The following MYLK variants were observed in gnomAD, a reference collection of about 807,000 sequenced individuals.
MYLK encodes the protein myosin light chain kinase.
A neutral mutation model predicts 203.4 loss-of-function variants in MYLK; 106 were observed. The ratio of observed to expected loss-of-function variants is 0.52; its 90% CI spans 0.45 to 0.61. The LOEUF (loss-of-function observed/expected upper bound fraction) is 0.61. Ranked by LOEUF, MYLK falls within the 20% of genes least tolerant of loss-of-function variation. The pLI, the probability that MYLK is intolerant of heterozygous loss-of-function variation, is 0.00. For synonymous variants in MYLK, 867 were observed against 959.5 expected, an observed-to-expected ratio of 0.90 and a Z score of 1.78; for missense variants, 2,072 against 2,442.3, an observed-to-expected ratio of 0.85 and a Z score of 3.20.
intron 5 of MYLK, 92 bp downstream of exon 5, chr3:123,752,239 C>T: frequency 3.0e-6 from 4 of 1,337,028 alleles, no homozygotes; most frequent in Non-Finnish European, 4.3e-6. Context: ...TCAGTTCCTC[C>T]ATCCTTCAAG....
At chr3:123,707,624 G>C (rs538655297) in intron 16 of MYLK, 130 bp downstream of exon 16, 1 of 1,396,486 alleles carries the variant, frequency 7.2e-7, no homozygotes, top group Non-Finnish European at 1.0e-6. Context: ...CACTGAGCCC[G>C]CACTTGCTTT....
intron 26 of MYLK, 30 bp from the exon 27 acceptor site, chr3:123,647,457 C>G: frequency 6.2e-7 from 1 of 1,605,564 alleles, no homozygotes; most frequent in Non-Finnish European, 8.5e-7. Flanking sequence ...GAGAGAAAAG[C>G]CACATTTAGC....
In MYLK at chr3:123,733,033, C is replaced by T; in HGVS notation, c.1379G>A (p.Ser460Asn). 2 of 1,614,174 alleles carry T rather than the reference C, an allele frequency of 1.2e-6. No homozygotes were observed. The highest frequency in any genetic ancestry group is 2.2e-5 in the South Asian group (2 of 91,072). ...GCCAGCATCTTCATAAACCTCAATG[C>T]TGCCTTCCTGTCTCCTCACGGGGGT... ...EGTPVRRQEG[S>N]IEVYEDAGSH... The change falls in exon 11 of 34, where the codon AGC becomes AAC. Residue 460 changes from serine (S) to asparagine (N), a missense_variant. Coordinates refer to ENST00000360304, the MANE Select transcript of MYLK (RefSeq NM_053025.4).
chr3:123,874,892 T>C (rs2033046332), intron 2 of MYLK, among the ~76,000 whole-genome samples: 1 of 152,180 alleles, frequency 6.6e-6, no homozygotes, highest in African/African-American at 2.4e-5. Context: ...ATGTTCAACA[T>C]CAGTAGTCAC....
chr3:123,681,672 T>G, intron 20 of MYLK: 1 of 170,314 alleles, frequency 5.9e-6, no homozygotes, highest in African/African-American at 2.4e-5. Context: ...AAAATAGAAG[T>G]AAAGGAGCTG....
chr3:123,802,095 T>C (rs1256409684), intron 3 of MYLK, among the ~76,000 whole-genome samples: 4 of 152,188 alleles, frequency 2.6e-5, no homozygotes, highest in African/African-American at 4.8e-5. Flanking sequence ...CCAACATTTG[T>C]TATTTTGGAC....
intron 19 of MYLK, among the ~76,000 whole-genome samples, chr3:123,690,223 C>T (rs2060609016): frequency 6.6e-6 from 1 of 152,136 alleles, no homozygotes; most frequent in African/African-American, 2.4e-5. Context: ...GCAGTTGCAG[C>T]TGGAGACAGG....
intron 3 of MYLK, among the ~76,000 whole-genome samples, chr3:123,819,179 A>C (rs542293197): frequency 6.6e-6 from 1 of 152,332 alleles, no homozygotes; most frequent in Admixed American, 6.5e-5. Flanking sequence ...ACATCTTGCA[A>C]GCAGAGGCAC....
intron 4 of MYLK, among the ~76,000 whole-genome samples, chr3:123,769,677 A>G (rs908760669): frequency 3.9e-5 from 6 of 152,212 alleles, no homozygotes; most frequent in South Asian, 2.1e-4. Context: ...CTTATAATTC[A>G]TCTGTGTGCA....
chr3:123,827,991 T>C (rs867445103), intron 3 of MYLK, among the ~76,000 whole-genome samples: 31 of 151,588 alleles, frequency 2.0e-4, no homozygotes, highest in African/African-American at 6.3e-4. Flanking sequence ...TTGAAGAGGA[T>C]ACAAACAAGT....
At chr3:123,790,709 ACTT>A (rs2064745966) in intron 4 of MYLK, among the ~76,000 whole-genome samples, 1 of 152,234 alleles carries the variant, frequency 6.6e-6, no homozygotes, top group African/African-American at 2.4e-5. Flanking sequence ...CATTTGAAGA[ACTT>A]CTGATTGGCA....
intron 27 of MYLK, among the ~76,000 whole-genome samples, chr3:123,644,035 G>A (rs555969996): frequency 6.6e-6 from 1 of 152,218 alleles, no homozygotes; most frequent in East Asian, 1.9e-4. Flanking sequence ...CTACTATATG[G>A]TGGGGGCTCA....
At chr3:123,701,383 G>A (rs2061215208) in intron 17 of MYLK, 55 bp downstream of exon 17, 5 of 1,571,502 alleles carry the variant, frequency 3.2e-6, no homozygotes, top group Admixed American at 1.7e-5. Flanking sequence ...CCGGGGCCAG[G>A]AGGAAGGTGG....
At chr3:123,678,910 TATATTGTTTAAAATGGTTAA>T (rs1230439676) in intron 20 of MYLK, among the ~76,000 whole-genome samples, 1 of 152,236 alleles carries the variant, frequency 6.6e-6, no homozygotes, top group East Asian at 1.9e-4. Flanking sequence ...AGTATATTTC[TATATTGTTTAAAATGGTTAA>T]ATAAGAATGT....
rs1553783586 is a variant in MYLK, at chr3:123,653,986, T to TTGGGTG, written c.4288+3139_4288+3140insCACCCA. Among the ~76,000 whole-genome samples, 103 of 137,756 alleles carry TTGGGTG rather than the reference T, an allele frequency of 7.5e-4. No individual in the cohort carries two copies. In the Middle Eastern group the frequency reaches 0.011, roughly 15 times the overall value. 90.4% of individuals were successfully genotyped at this position (137,756 alleles called of 152,430 possible). A position where few individuals can be genotyped will look rare whatever the true frequency, so the allele number is the denominator to read the frequency against. ...CCACTCTGCTCATTTCAGAGGGATG[T>TTGGGTG]TGTGTGTGTGTGTGTGTGTGTGTGT... is the stretch of plus-strand genomic sequence containing the variant. On this transcript the variant is annotated intron_variant, in intron 24 of 33. Transcript: ENST00000360304.
At chr3:123,843,814 T>C (rs900229045) in intron 2 of MYLK, among the ~76,000 whole-genome samples, 11 of 152,200 alleles carry the variant, frequency 7.2e-5, no homozygotes, top group African/African-American at 2.4e-4. Flanking sequence ...GGAATCCTTC[T>C]GACATGGTGT....
At chr3:123,725,143 C>T (rs764743114) in intron 12 of MYLK, among the ~76,000 whole-genome samples, 1 of 152,140 alleles carries the variant, frequency 6.6e-6, no homozygotes, top group Non-Finnish European at 1.5e-5. Context: ...GAAGCTGGTA[C>T]CCCGAGGGGT....
chr3:123,666,892 T>C, intron 21 of MYLK: 1 of 609,428 alleles, frequency 1.6e-6, no homozygotes, highest in South Asian at 2.0e-5. Flanking sequence ...TCCTGTATGA[T>C]GCTGTCAACA....
chr3:123,773,840 C>T (rs1366975038), intron 4 of MYLK, among the ~76,000 whole-genome samples: 1 of 152,252 alleles, frequency 6.6e-6, no homozygotes, highest in East Asian at 1.9e-4. Context: ...AAACGTTGCA[C>T]TGGTTAACTC....
Sources: allele counts gnomAD v4.1 joint callset (sites outside exome capture counted in the v4.1 genomes callset), GRCh38; gene constraint gnomAD v4.1.1; transcripts MANE v1.5; gene names NCBI Gene and HGNC (gene_info 2026-07-23, HGNC 2026-07-21).